Variants in RTN4 observed in about 807,000 individuals in gnomAD.
RTN4 encodes reticulon 4.
RTN4 carries 32 observed loss-of-function variants against 90.4 expected under a neutral mutation model. That is an observed-to-expected ratio of 0.35 (90% confidence interval 0.27 to 0.48). RTN4 has a LOEUF of 0.48. RTN4 is among the 20% of genes least tolerant of loss of function. RTN4 has a pLI of 0.99. For missense variants in RTN4, 1,706 were observed against 1,430.2 expected, an observed-to-expected ratio of 1.19 and a Z score of -3.11; for synonymous variants, 629 against 552.5, an observed-to-expected ratio of 1.14 and a Z score of -1.94.
intron 3 of RTN4, among the ~76,000 whole-genome samples, chr2:55,016,825 T>C (rs1001021875): frequency 2.6e-5 from 4 of 152,202 alleles, no homozygotes; most frequent in African/African-American, 7.2e-5. Context: ...TACTAAAATA[T>C]TGAAGCTCAA....
intron 1 of RTN4, among the ~76,000 whole-genome samples, chr2:55,094,061 T>C (rs1668989392): frequency 6.6e-6 from 1 of 152,322 alleles, no homozygotes; most frequent in Admixed American, 6.5e-5. Flanking sequence ...ATGGACTGAA[T>C]CATGTTCCCC....
At chr2:55,051,039 T>C (rs555646144), upstream of RTN4, among the ~76,000 whole-genome samples, 216 of 152,348 alleles carry the variant, frequency 1.4e-3, no homozygotes, top group South Asian at 3.1e-3. Flanking sequence ...AAAGATTATT[T>C]GTTCACTCAA....
chr2:55,094,974 C>G (rs924413358), intron 1 of RTN4, among the ~76,000 whole-genome samples: 33 of 152,250 alleles, frequency 2.2e-4, no homozygotes, highest in African/African-American at 7.0e-4. Flanking sequence ...ACAAGTCCTC[C>G]TCTTGTATTT....
At chr2:55,118,192 A>T in the RTN4 span, among the ~76,000 whole-genome samples, 3 of 152,046 alleles carry the variant, frequency 2.0e-5, no homozygotes, top group East Asian at 5.8e-4. Context: ...AGGGCTGGGC[A>T]TGGTAGCTTA....
chr2:55,045,428 A>G (rs769736590), intron 1 of RTN4, among the ~76,000 whole-genome samples: 10 of 152,348 alleles, frequency 6.6e-5, no homozygotes, highest in Non-Finnish European at 1.0e-4. Flanking sequence ...ATGAACAAAT[A>G]ATGAAATAGT....
At chr2:55,043,723 T>C (rs886760291) in intron 1 of RTN4, among the ~76,000 whole-genome samples, 2 of 152,108 alleles carry the variant, frequency 1.3e-5, no homozygotes, top group African/African-American at 4.8e-5. Context: ...CCGTCTCTAC[T>C]AAGAATACAA....
At chr2:55,114,422 G>A (rs2105071072), upstream of RTN4, among the ~76,000 whole-genome samples, 1 of 152,322 alleles carries the variant, frequency 6.6e-6, no homozygotes, top group African/African-American at 2.4e-5. Flanking sequence ...CTCCAGGCCG[G>A]GCGTGGTGGC....
At chr2:55,134,033 G>A in the RTN4 span, among the ~76,000 whole-genome samples, 1 of 152,084 alleles carries the variant, frequency 6.6e-6, no homozygotes, top group Non-Finnish European at 1.5e-5. Context: ...GAAAGGGGTG[G>A]GGAATTTCCA....
chr2:55,051,353 T>G (rs1668085011), upstream of RTN4, among the ~76,000 whole-genome samples: 1 of 152,194 alleles, frequency 6.6e-6, no homozygotes, highest in South Asian at 2.1e-4. Flanking sequence ...TCACGTTACA[T>G]TTCAGTCACC....
At position 55,058,866 on chromosome 2, in the gene RTN4, AT is replaced by A. The variant is rs71410412; in HGVS notation, c.-63+21622del. On this transcript the variant is annotated intron_variant, in intron 2 of 3. Transcript: ENST00000427710. ...TAAGTTTTGGCTTTCTTTTTTGATA[AT>A]TTTTTTTTTAAATTATAATAATAGA... is the stretch of plus-strand genomic sequence containing the variant. Among the ~76,000 whole-genome samples the A allele has an allele frequency of 2.1e-3, 321 of 151,230 alleles. No homozygotes were observed. The Middle Eastern group carries it at 0.041, about 19-fold the overall frequency.
intron 2 of RTN4, among the ~76,000 whole-genome samples, chr2:55,059,751 T>C (rs1350865969): frequency 1.3e-5 from 2 of 151,790 alleles, no homozygotes; most frequent in East Asian, 3.9e-4. Flanking sequence ...GGAGAATCGC[T>C]TGAACCCAGG....
At chr2:55,055,718 A>G (rs796442204), upstream of RTN4, among the ~76,000 whole-genome samples, 8 of 151,568 alleles carry the variant, frequency 5.3e-5, no homozygotes, top group African/African-American at 1.9e-4. Flanking sequence ...TGCAGTGAGC[A>G]GAGATCGCGC....
the RTN4 span, among the ~76,000 whole-genome samples, chr2:55,137,520 A>C: frequency 1.3e-5 from 2 of 152,140 alleles, no homozygotes; most frequent in African/African-American, 4.8e-5. Context: ...GACTGACTAG[A>C]TGGGAGTCAT....
At chr2:55,073,175 G>A (rs971788879) in intron 2 of RTN4, among the ~76,000 whole-genome samples, 1 of 152,212 alleles carries the variant, frequency 6.6e-6, no homozygotes, top group African/African-American at 2.4e-5. Context: ...GTGTCTCACA[G>A]AAACCACTTT....
Position 55,097,035 on chromosome 2 carries a change from T to C in RTN4, c.-214+15485A>G, listed in dbSNP as rs183372042. 4.0e-5 allele frequency among the ~76,000 whole-genome samples: 6 copies of C among 151,854 alleles called. No homozygotes were observed. The East Asian group carries it at 1.2e-3, about 29-fold the overall frequency. On this transcript the variant is annotated intron_variant, in intron 1 of 3. Coordinates refer to the RTN4 transcript ENST00000427710. Reference sequence around the variant, plus strand: ...TGGCCCCAGTACTTAGGGGAGATTATACTAAGATAGTGATATCTGAGCAAT... The same window carrying C: ...TGGCCCCAGTACTTAGGGGAGATTACACTAAGATAGTGATATCTGAGCAAT...
At chr2:55,020,203 A>G (rs1681324621) in intron 3 of RTN4, among the ~76,000 whole-genome samples, 1 of 152,202 alleles carries the variant, frequency 6.6e-6, no homozygotes, top group Non-Finnish European at 1.5e-5. Flanking sequence ...AGGAAAAAAA[A>G]TCCTAAAATC....
intron 3 of RTN4, among the ~76,000 whole-genome samples, chr2:54,990,842 G>A (rs925184613): frequency 6.6e-6 from 1 of 151,964 alleles, no homozygotes; most frequent in South Asian, 2.1e-4. Context: ...CTGGAGTGCA[G>A]TGGCGCGATC....
intron 1 of RTN4, among the ~76,000 whole-genome samples, chr2:55,099,026 C>G (rs761659634): frequency 1.3e-5 from 2 of 152,080 alleles, no homozygotes; most frequent in African/African-American, 4.8e-5. Flanking sequence ...ATTCTTGTTA[C>G]GTTAGCAATC....
Position 55,026,649 on chromosome 2 carries a change from C to T in RTN4, c.1450G>A (p.Gly484Arg). The T allele has an allele frequency of 6.2e-7, 1 of 1,612,932 alleles. No individual in the cohort carries two copies. Among genetic ancestry groups the T allele is most frequent in the Non-Finnish European group, 8.5e-7 (1 of 1,179,772 alleles). Residue 484 changes from glycine to arginine, a missense_variant, in exon 3 of 9, where the codon GGA becomes AGA. Transcript: ENST00000337526. ...GTCTTATTTTCTGAAGTAGGATCTC[C>T]TAACAAAGGAAAAATGTTTGTTGCA... Reference protein sequence around the residue: ...SIATNIFPLLGDPTSENKTDE... With the variant: ...SIATNIFPLLRDPTSENKTDE...
Sources: gnomAD v4.1 joint callset for allele counts (sites outside exome capture counted in the v4.1 genomes callset) on GRCh38, gnomAD v4.1.1 for gene constraint, MANE v1.5 for transcripts, NCBI Gene and HGNC (gene_info 2026-07-23, HGNC 2026-07-21) for gene names.